Variants in SPATA17 observed in about 807,000 individuals in gnomAD.
SPATA17 encodes spermatogenesis associated 17.
In SPATA17, 53 loss-of-function variants were observed where a neutral mutation model predicts 62.2. That is an observed-to-expected ratio of 0.85 (90% CI 0.68 to 1.07). SPATA17 has a LOEUF of 1.07. Ranked by LOEUF, SPATA17 falls within the 50% of genes least tolerant of loss-of-function variation. The pLI is 0.00. For missense variants in SPATA17, 466 were observed against 425.5 expected, an observed-to-expected ratio of 1.10 and a Z score of -0.84; for synonymous variants, 146 against 146.8, an observed-to-expected ratio of 0.99 and a Z score of 0.04.
At chr1:217,812,674 G>A (rs575715296) in intron 9 of SPATA17, among the ~76,000 whole-genome samples, 8 of 152,206 alleles carry the variant, frequency 5.3e-5, no homozygotes, top group African/African-American at 1.7e-4. Flanking sequence ...GAATCTACCC[G>A]TCAGTCATTA....
intron 5 of SPATA17, among the ~76,000 whole-genome samples, chr1:217,716,967 T>C (rs1350928338): frequency 6.6e-6 from 1 of 152,212 alleles, no homozygotes; most frequent in Non-Finnish European, 1.5e-5. Flanking sequence ...AAGGGTAAGG[T>C]CACACACCAA....
At position 217,749,985 on chromosome 1, in the gene SPATA17, C is replaced by CTATATATATATATATA. The variant is rs57489651; in HGVS notation, c.519+7899_519+7914dup. Among the ~76,000 whole-genome samples the CTATATATATATATATA allele has an allele frequency of 7.2e-3, 88 of 12,298 alleles. 7 individuals carry two copies. Among genetic ancestry groups the CTATATATATATATATA allele is most frequent in the African/African-American group, 9.5e-3 (31 of 3,276 alleles). 8.1% of individuals were successfully genotyped at this position (12,298 alleles called of 152,430 possible). On this transcript the variant is annotated intron_variant, in intron 6 of 10. Coordinates refer to ENST00000366933, the MANE Select transcript of SPATA17 (RefSeq NM_138796.4). Reference sequence around the variant, plus strand: ...TCTCTCTCTCTCTCTCTCTCTCTCTCTATATATATATATATATATATATAT... The same window carrying CTATATATATATATATA: ...TCTCTCTCTCTCTCTCTCTCTCTCTCTATATATATATATATATATATATATATATATATATATATAT...
rs1019204824 is a variant in SPATA17, at chr1:217,651,131, T to A, written c.193T>A (p.Trp65Arg). ...CAGGATTGTAACAATTATTCAAAAATGGTGGAGAAGTTTCTTAGGCAGAAA... is the reference window on the plus strand; with the variant it reads ...CAGGATTGTAACAATTATTCAAAAAAGGTGGAGAAGTTTCTTAGGCAGAAA... The part of the protein sequence containing the change: ...LNRIVTIIQK[W>R]WRSFLGRKQY... The change falls in exon 3 of 11, where the codon TGG (tryptophan) becomes AGG (arginine). Residue 65 changes from tryptophan to arginine, a missense_variant. By Grantham distance (101) the Trp-to-Arg change is moderately radical. Coordinates refer to ENST00000366933, the MANE Select transcript of SPATA17 (RefSeq NM_138796.4). 1.9e-6 allele frequency: 3 copies of A among 1,609,996 alleles called. No individual in the cohort carries two copies. The highest frequency in any genetic ancestry group is 2.5e-6 in the Non-Finnish European group (3 of 1,178,930).
intron 6 of SPATA17, among the ~76,000 whole-genome samples, chr1:217,762,419 A>G (rs910169194): frequency 6.6e-6 from 1 of 152,132 alleles, no homozygotes. Flanking sequence ...CGATGACTCC[A>G]CATTCTCTTA....
At chr1:217,833,409 G>A (rs1279402100) in intron 9 of SPATA17, among the ~76,000 whole-genome samples, 2 of 152,170 alleles carry the variant, frequency 1.3e-5, no homozygotes, top group Non-Finnish European at 2.9e-5. Context: ...AGGAGGGATA[G>A]CGTTAATAAG....
intron 8 of SPATA17, among the ~76,000 whole-genome samples, chr1:217,789,832 C>T (rs567548441): frequency 1.4e-3 from 213 of 152,022 alleles, no homozygotes; most frequent in Non-Finnish European, 2.2e-3. Context: ...GTCAGGAGTT[C>T]GAGACCAGCC....
At chr1:217,658,972 A>G (rs1670504184) in intron 3 of SPATA17, among the ~76,000 whole-genome samples, 1 of 151,804 alleles carries the variant, frequency 6.6e-6, no homozygotes, top group Non-Finnish European at 1.5e-5. Flanking sequence ...AATTTTCTTG[A>G]CTCTGGAAGG....
intron 6 of SPATA17, among the ~76,000 whole-genome samples, chr1:217,768,876 A>C (rs1673367326): frequency 6.6e-6 from 1 of 152,184 alleles, no homozygotes; most frequent in South Asian, 2.1e-4. Context: ...GTACCTCTTC[A>C]AAAGTTATTA....
At chr1:217,850,539 T>C in intron 9 of SPATA17, 1 of 1,589,696 alleles carries the variant, frequency 6.3e-7, no homozygotes, top group Non-Finnish European at 8.6e-7. Context: ...GCCTTCCTTA[T>C]CCTGGATATT....
rs1482968061 is a variant in SPATA17 at position 217,691,053 on chromosome 1, A to G, written c.395+7692A>G. Among the ~76,000 whole-genome samples the G allele has an allele frequency of 1.2e-4, 18 of 145,568 alleles. No homozygotes were observed. The East Asian group carries it at 3.3e-3, about 26-fold the overall frequency. ...TGGTATTTCTAGTTCTAGATCCCTGAGGAATTGCCACACTGACTTCCACAA... is the reference window on the plus strand; with the variant it reads ...TGGTATTTCTAGTTCTAGATCCCTGGGGAATTGCCACACTGACTTCCACAA... On this transcript the variant is annotated intron_variant, in intron 5 of 10. Coordinates refer to ENST00000366933, the MANE Select transcript of SPATA17 (RefSeq NM_138796.4).
chr1:217,769,874 G>T (rs542342797), intron 6 of SPATA17, among the ~76,000 whole-genome samples: 1 of 152,178 alleles, frequency 6.6e-6, no homozygotes, highest in Admixed American at 6.5e-5. Context: ...CTTAGCAAGA[G>T]TAATTGAATG....
intron 5 of SPATA17, among the ~76,000 whole-genome samples, chr1:217,734,282 T>C (rs1558584371): frequency 6.6e-6 from 1 of 152,254 alleles, no homozygotes; most frequent in Non-Finnish European, 1.5e-5. Flanking sequence ...TTGTTAGAGA[T>C]GAAATGTAAA....
chr1:217,843,615 CT>C (rs1558073541), intron 9 of SPATA17, among the ~76,000 whole-genome samples: 2 of 151,790 alleles, frequency 1.3e-5, no homozygotes, highest in Non-Finnish European at 1.5e-5. Context: ...GGTCAGCAAA[CT>C]TTTTTTTAAT....
intron 5 of SPATA17, among the ~76,000 whole-genome samples, chr1:217,725,355 CT>C (rs1007284754): frequency 1.3e-5 from 2 of 152,132 alleles, no homozygotes; most frequent in East Asian, 1.9e-4. Flanking sequence ...CTATAAAATA[CT>C]TTTTTTTCCA....
At chr1:217,783,117 A>G (rs1160444720) in intron 8 of SPATA17, among the ~76,000 whole-genome samples, 2 of 150,806 alleles carry the variant, frequency 1.3e-5, no homozygotes, top group Admixed American at 6.6e-5. Context: ...TATACAAAAT[A>G]TAAAATTATA....
At chr1:217,788,538 C>T (rs1023212725) in intron 8 of SPATA17, among the ~76,000 whole-genome samples, 1 of 151,900 alleles carries the variant, frequency 6.6e-6, no homozygotes, top group Non-Finnish European at 1.5e-5. Flanking sequence ...ATTCAAAGGT[C>T]CTTAAAAATG....
chr1:217,710,888 T>G (rs1458584728), intron 5 of SPATA17, among the ~76,000 whole-genome samples: 1 of 152,170 alleles, frequency 6.6e-6, no homozygotes, highest in African/African-American at 2.4e-5. Flanking sequence ...GCTCTATAAA[T>G]TTGCTCAGTC....
chr1:217,827,718 T>A (rs1160354623), intron 9 of SPATA17, among the ~76,000 whole-genome samples: 1 of 152,096 alleles, frequency 6.6e-6, no homozygotes, highest in Non-Finnish European at 1.5e-5. Context: ...AGGAATGAGA[T>A]CATGTCCTTT....
intron 3 of SPATA17, among the ~76,000 whole-genome samples, chr1:217,656,487 T>A (rs1221733340): frequency 6.6e-6 from 1 of 152,106 alleles, no homozygotes; most frequent in Non-Finnish European, 1.5e-5. Flanking sequence ...CTCGTTTAGA[T>A]TGGTTCATGA....
Sources: gnomAD v4.1 joint callset for allele counts (sites outside exome capture counted in the v4.1 genomes callset) on GRCh38, gnomAD v4.1.1 for gene constraint, MANE v1.5 for transcripts, NCBI Gene and HGNC (gene_info 2026-07-23, HGNC 2026-07-21) for gene names.